LRMDA: variants seen among roughly 807,000 people sequenced by gnomAD.
The protein encoded by LRMDA is leucine-rich melanocyte differentiation-associated protein.
In LRMDA, 18 loss-of-function variants were observed where a neutral mutation model predicts 29.8. That is an observed-to-expected ratio of 0.60 (90% confidence interval 0.42 to 0.90). The LOEUF (loss-of-function observed/expected upper bound fraction) is 0.90. Ranked by LOEUF, LRMDA falls within the 40% of genes least tolerant of loss-of-function variation. The pLI is 0.00. For synonymous variants in LRMDA, 125 were observed against 109.4 expected (o/e 1.14, Z -0.89); for missense variants, 273 against 273.9 (o/e 1.00, Z 0.02).
intron 6 of LRMDA, among the ~76,000 whole-genome samples, chr10:76,428,139 G>T (rs1842149639): frequency 6.6e-6 from 1 of 152,144 alleles, no homozygotes; most frequent in Admixed American, 6.5e-5. Flanking sequence ...TCTTGTGGCT[G>T]AGCCAAAACA....
intron 6 of LRMDA, among the ~76,000 whole-genome samples, chr10:76,429,862 A>T (rs1002892363): frequency 1.3e-5 from 2 of 152,302 alleles, no homozygotes; most frequent in East Asian, 3.9e-4. Flanking sequence ...ATGGAATTGC[A>T]CTTCCTCTCC....
chr10:76,315,707 TG>T (rs1840686799), intron 5 of LRMDA, among the ~76,000 whole-genome samples: 1 of 152,100 alleles, frequency 6.6e-6, no homozygotes, highest in African/African-American at 2.4e-5. Flanking sequence ...GACAGGTCCC[TG>T]GGCGGAAGGG....
chr10:75,433,575 A>G (rs921023849), intron 1 of LRMDA, among the ~76,000 whole-genome samples: 10 of 151,894 alleles, frequency 6.6e-5, no homozygotes, highest in Admixed American at 3.9e-4. Flanking sequence ...TGTTTTTTCT[A>G]CATTCTGCTC....
intron 2 of LRMDA, among the ~76,000 whole-genome samples, chr10:75,539,397 T>C (rs1839988857): frequency 6.6e-6 from 1 of 152,232 alleles, no homozygotes; most frequent in African/African-American, 2.4e-5. Flanking sequence ...CATTTTAAGA[T>C]GAATTACATG....
chr10:75,592,091 C>A (rs1840730362), intron 2 of LRMDA, among the ~76,000 whole-genome samples: 1 of 151,898 alleles, frequency 6.6e-6, no homozygotes. Context: ...GCAACCCAGG[C>A]AGAGGGGACA....
chr10:76,198,811 G>A (rs1851376937), intron 5 of LRMDA, among the ~76,000 whole-genome samples: 1 of 152,126 alleles, frequency 6.6e-6, no homozygotes, highest in African/African-American at 2.4e-5. Flanking sequence ...TTTCTTTAAA[G>A]TGACAGGTTT....
At chr10:75,650,971 C>T (rs972282392) in intron 2 of LRMDA, among the ~76,000 whole-genome samples, 6 of 152,174 alleles carry the variant, frequency 3.9e-5, no homozygotes, top group Admixed American at 3.9e-4. Context: ...AGGGAAGCCT[C>T]TTTGTGTCAT....
At chr10:76,491,655 T>C (rs1842834882) in intron 6 of LRMDA, among the ~76,000 whole-genome samples, 1 of 151,994 alleles carries the variant, frequency 6.6e-6, no homozygotes, top group Admixed American at 6.6e-5. Context: ...TGAGGTAGTC[T>C]TCTTTGGGTT....
intron 5 of LRMDA, among the ~76,000 whole-genome samples, chr10:76,090,010 G>A (rs992552613): frequency 4.6e-5 from 7 of 152,294 alleles, no homozygotes; most frequent in Middle Eastern, 3.4e-3. Context: ...ACAAAGAAGC[G>A]ATTGACACAG....
chr10:75,499,088 G>A (rs910761809), intron 2 of LRMDA, among the ~76,000 whole-genome samples: 1 of 152,114 alleles, frequency 6.6e-6, no homozygotes, highest in Admixed American at 6.5e-5. Context: ...GATGGAGACA[G>A]CCTGGAGCCT....
At chr10:75,927,230 T>G (rs1295478753) in intron 2 of LRMDA, among the ~76,000 whole-genome samples, 2 of 152,210 alleles carry the variant, frequency 1.3e-5, no homozygotes, top group Non-Finnish European at 2.9e-5. Context: ...GAGCCAAATG[T>G]GTTTCTCTAG....
chr10:75,806,039 A>G (rs1310880000), intron 2 of LRMDA, among the ~76,000 whole-genome samples: 1 of 152,158 alleles, frequency 6.6e-6, no homozygotes, highest in African/African-American at 2.4e-5. Context: ...GCTTTTACTC[A>G]TGGCAGGAGG....
intron 2 of LRMDA, among the ~76,000 whole-genome samples, chr10:75,614,367 C>T (rs988605082): frequency 2.2e-4 from 34 of 152,142 alleles, no homozygotes; most frequent in Non-Finnish European, 4.3e-4. Flanking sequence ...ATGTATGTGG[C>T]GGCTGTGTCC....
intron 6 of LRMDA, among the ~76,000 whole-genome samples, chr10:76,417,707 A>G (rs1842031522): frequency 6.6e-6 from 1 of 152,278 alleles, no homozygotes; most frequent in Admixed American, 6.5e-5. Context: ...AGTTCAATGT[A>G]TTAGTCTTTT....
chr10:76,264,406 C>CAA (rs59846541), intron 5 of LRMDA, among the ~76,000 whole-genome samples: 1 of 34,294 alleles, frequency 2.9e-5, no homozygotes, highest in Non-Finnish European at 5.2e-5. Flanking sequence ...GACTCTGTCT[C>CAA]AAAAAAAAAA....
At chr10:76,172,176 C>T (rs1326850181) in intron 5 of LRMDA, among the ~76,000 whole-genome samples, 2 of 152,150 alleles carry the variant, frequency 1.3e-5, no homozygotes, top group Non-Finnish European at 2.9e-5. Context: ...GAGGGATCTG[C>T]CCCCATGACT....
At chr10:75,611,765 C>T (rs944460489) in intron 2 of LRMDA, among the ~76,000 whole-genome samples, 2 of 152,332 alleles carry the variant, frequency 1.3e-5, no homozygotes, top group East Asian at 1.9e-4. Flanking sequence ...AGAAATTGAG[C>T]TTGGCAAGCA....
intron 2 of LRMDA, among the ~76,000 whole-genome samples, chr10:75,726,346 A>G (rs966747129): frequency 1.3e-5 from 2 of 152,190 alleles, no homozygotes; most frequent in African/African-American, 4.8e-5. Flanking sequence ...GTTCATGTTT[A>G]CACATAATGC....
chr10:76,212,390 G>C (rs1564687656), intron 5 of LRMDA, among the ~76,000 whole-genome samples: 1 of 152,014 alleles, frequency 6.6e-6, no homozygotes, highest in Non-Finnish European at 1.5e-5. Context: ...CTAAGTTGTT[G>C]GGTCCATTTT....
Sources: gnomAD v4.1 joint callset for allele counts (sites outside exome capture counted in the v4.1 genomes callset) on GRCh38, gnomAD v4.1.1 for gene constraint, MANE v1.5 for transcripts, NCBI Gene and HGNC (gene_info 2026-07-23, HGNC 2026-07-21) for gene names.